FIP1L1: variants seen among roughly 807,000 people sequenced by gnomAD.
FIP1L1 encodes the protein factor interacting with PAPOLA and CPSF1.
FIP1L1 carries 21 observed loss-of-function variants against 84.6 expected under a neutral mutation model. The ratio of observed to expected loss-of-function variants is 0.25; its 90% CI spans 0.18 to 0.36. The LOEUF is 0.36. Among genes scored for constraint, FIP1L1 ranks in the 10% least tolerant of loss-of-function variants. FIP1L1 has a pLI of 1.00. For missense variants in FIP1L1, 526 were observed against 751.1 expected (o/e 0.70, Z 3.50); for synonymous variants, 263 against 242.3 (o/e 1.09, Z -0.80).
intron 13 of FIP1L1, among the ~76,000 whole-genome samples, chr4:53,433,965 C>T (rs1038684121): frequency 1.1e-4 from 16 of 150,490 alleles, no homozygotes; most frequent in Middle Eastern, 3.5e-3. Flanking sequence ...GGGGTGGGGG[C>T]GGGTGGCGAG....
At chr4:53,390,985 A>T (rs1358300081) in intron 7 of FIP1L1, 24 bp from the exon 8 acceptor site, 4 of 1,554,136 alleles carry the variant, frequency 2.6e-6, no homozygotes, top group African/African-American at 1.4e-5. Flanking sequence ...ATATTTGTAC[A>T]CTAAAGTTGT....
intron 13 of FIP1L1, among the ~76,000 whole-genome samples, chr4:53,433,384 G>T (rs1334282154): frequency 6.6e-6 from 1 of 152,022 alleles, no homozygotes; most frequent in African/African-American, 2.4e-5. Flanking sequence ...TCATGCATTT[G>T]TCTATCTGTG....
In FIP1L1 at chr4:53,381,753, C is replaced by CTTTTTTTTTTTTTTTTTTTT. The variant is rs531488760; in HGVS notation, c.171-520_171-501dup. Among the ~76,000 whole-genome samples the CTTTTTTTTTTTTTTTTTTTT allele has an allele frequency of 9.7e-3, 851 of 87,884 alleles. 160 individuals carry two copies. The highest frequency in any genetic ancestry group is 0.012 in the Non-Finnish European group (580 of 49,448). The allele number at this position is 87,884 out of a possible 152,430, so 57.7% of individuals were successfully genotyped here. A position where few individuals can be genotyped will look rare whatever the true frequency, so the allele number is the denominator to read the frequency against. On this transcript the variant is annotated intron_variant, in intron 3 of 17. Transcript: ENST00000337488. ...AATAAACTGTGAAGGCATTTGCATT[C>CTTTTTTTTTTTTTTTTTTTT]TTTTTTTTTTTTTTTTTTTTTTTTG...
chr4:53,452,676 G>C (rs955255686), intron 15 of FIP1L1, among the ~76,000 whole-genome samples: 5 of 152,186 alleles, frequency 3.3e-5, no homozygotes, highest in Admixed American at 3.3e-4. Flanking sequence ...TTTATATTGG[G>C]AAGTTTGTGG....
At chr4:53,385,299 C>T (rs1181569386) in intron 5 of FIP1L1, among the ~76,000 whole-genome samples, 1 of 152,002 alleles carries the variant, frequency 6.6e-6, no homozygotes, top group African/African-American at 2.4e-5. Flanking sequence ...AAGCAAATGA[C>T]AATTTTTTTG....
At chr4:53,408,923 C>A (rs1755427410) in intron 10 of FIP1L1, among the ~76,000 whole-genome samples, 1 of 118,890 alleles carries the variant, frequency 8.4e-6, no homozygotes, top group Non-Finnish European at 2.0e-5. Context: ...TTTTTAACTT[C>A]TTTGCCTTTG....
intron 12 of FIP1L1, among the ~76,000 whole-genome samples, chr4:53,426,789 T>C (rs1030168636): frequency 6.6e-6 from 1 of 152,198 alleles, no homozygotes; most frequent in African/African-American, 2.4e-5. Flanking sequence ...CATGATTTAT[T>C]TAATGTGACA....
At chr4:53,412,178 TTCTTACTGAGCCATTTGAATATTAA>T (rs1281863328) in intron 10 of FIP1L1, among the ~76,000 whole-genome samples, 36 of 152,164 alleles carry the variant, frequency 2.4e-4, no homozygotes, top group African/African-American at 8.0e-4. Flanking sequence ...AAAAACATTT[TTCTTACTGAGCCATTTGAATATTAA>T]TTGTAGGCAT....
chr4:53,415,021 A>G (rs1034060767), intron 11 of FIP1L1, among the ~76,000 whole-genome samples: 20 of 151,912 alleles, frequency 1.3e-4, no homozygotes, highest in Admixed American at 2.6e-4. Context: ...CTCATACCAC[A>G]TCGCATTTAA....
chr4:53,396,198 C>G (rs1021231516), intron 9 of FIP1L1, among the ~76,000 whole-genome samples: 16 of 152,100 alleles, frequency 1.1e-4, no homozygotes, highest in Admixed American at 4.6e-4. Context: ...GGATTACAGG[C>G]GTGAGCCACT....
intron 15 of FIP1L1, among the ~76,000 whole-genome samples, chr4:53,446,230 T>C (rs1403707359): frequency 1.3e-5 from 2 of 152,050 alleles, no homozygotes; most frequent in Non-Finnish European, 2.9e-5. Flanking sequence ...TAAGTAGTCA[T>C]AGTCCTTGGG....
chr4:53,459,425 C>G lies in FIP1L1; in HGVS notation c.1761C>G (p.Ser587Arg), dbSNP rs141265672. The G allele has an allele frequency of 1.9e-6, 3 of 1,612,990 alleles. No individual in the cohort carries two copies. In the African/African-American group the frequency reaches 4.0e-5, roughly 22 times the overall value. Residue 587 changes from serine to arginine, a missense_variant, in exon 18 of 18, where the codon AGC (serine) becomes AGG (arginine). Transcript: ENST00000337488. ...GTGAGCCTGCCCCTGAACAGGAGAG[C>G]ACCGAAGCTACACCTGCAGAATAGG... ...AGSEPAPEQE[S>R]TEATPAE
chr4:53,402,576 C>T (rs1312722986), intron 10 of FIP1L1, among the ~76,000 whole-genome samples: 1 of 152,130 alleles, frequency 6.6e-6, no homozygotes, highest in Non-Finnish European at 1.5e-5. Context: ...GCGAAGCAAA[C>T]CTGTAGTTCA....
intron 13 of FIP1L1, among the ~76,000 whole-genome samples, chr4:53,433,610 A>G (rs1383667240): frequency 1.3e-5 from 2 of 152,144 alleles, no homozygotes; most frequent in African/African-American, 4.8e-5. Context: ...GCCTCAAATG[A>G]CTAGTTCTGT....
chr4:53,397,763 G>A (rs1282342942), intron 9 of FIP1L1, among the ~76,000 whole-genome samples: 2 of 152,204 alleles, frequency 1.3e-5, no homozygotes, highest in Non-Finnish European at 2.9e-5. Context: ...CATATTGGGT[G>A]TTCATATGTA....
At chr4:53,427,515 A>G (rs1037987948) in intron 12 of FIP1L1, among the ~76,000 whole-genome samples, 3 of 152,296 alleles carry the variant, frequency 2.0e-5, no homozygotes, top group Middle Eastern at 3.4e-3. Context: ...CTTGCTGCCT[A>G]TTGCTTGCAG....
At chr4:53,411,833 GC>G (rs1757368397) in intron 10 of FIP1L1, among the ~76,000 whole-genome samples, 1 of 152,024 alleles carries the variant, frequency 6.6e-6, no homozygotes, top group African/African-American at 2.4e-5. Context: ...ATATCAGAAT[GC>G]TTTGCTTAAT....
At chr4:53,379,293 T>C in intron 3 of FIP1L1, 29 bp downstream of exon 3, 1 of 1,555,162 alleles carries the variant, frequency 6.4e-7, no homozygotes, top group Non-Finnish European at 8.7e-7. Flanking sequence ...TGATGCCTAT[T>C]ACACAGGTTG....
chr4:53,417,473 CT>C (rs1436945241), intron 11 of FIP1L1, among the ~76,000 whole-genome samples: 7 of 151,794 alleles, frequency 4.6e-5, no homozygotes, highest in Admixed American at 6.6e-5. Flanking sequence ...GAAACCCCGT[CT>C]CTACTAAAAA....
Sources: allele counts gnomAD v4.1 joint callset (sites outside exome capture counted in the v4.1 genomes callset), GRCh38; gene constraint gnomAD v4.1.1; transcripts MANE v1.5; gene names NCBI Gene and HGNC (gene_info 2026-07-23, HGNC 2026-07-21).